ENTREP2: variants seen among roughly 807,000 people sequenced by gnomAD.
ENTREP2 encodes protein ENTREP2.
At chr15:29,196,643 G>A in the ENTREP2 span, 2 of 1,459,466 alleles carry the variant, frequency 1.4e-6, no homozygotes, top group Non-Finnish European at 1.8e-6. Flanking sequence ...ACACAGTTCA[G>A]AACACAGGAA....
At chr15:29,343,476 A>G in the ENTREP2 span, among the ~76,000 whole-genome samples, 2 of 151,840 alleles carry the variant, frequency 1.3e-5, no homozygotes, top group Non-Finnish European at 2.9e-5. Context: ...AAACCTCAAC[A>G]CCTACCTAAC....
the ENTREP2 span, among the ~76,000 whole-genome samples, chr15:29,671,154 T>C: frequency 5.6e-3 from 854 of 152,282 alleles, 9 homozygotes; most frequent in African/African-American, 0.02. Context: ...AACTTCCAGG[T>C]TGGCAAACAC....
chr15:29,606,831 T>C, the ENTREP2 span, among the ~76,000 whole-genome samples: 5 of 152,034 alleles, frequency 3.3e-5, no homozygotes, highest in African/African-American at 7.2e-5. Flanking sequence ...TTTTCTTTCT[T>C]TCTTTCTTTC....
the ENTREP2 span, among the ~76,000 whole-genome samples, chr15:29,552,996 G>A: frequency 2.6e-5 from 4 of 152,200 alleles, no homozygotes; most frequent in Non-Finnish European, 5.9e-5. Flanking sequence ...GGATTGGAAT[G>A]TTTCATACTG....
At chr15:29,316,752 G>A in the ENTREP2 span, among the ~76,000 whole-genome samples, 1 of 152,078 alleles carries the variant, frequency 6.6e-6, no homozygotes, top group Non-Finnish European at 1.5e-5. Flanking sequence ...ATGAAAATAT[G>A]GGTTCAGATA....
the ENTREP2 span, among the ~76,000 whole-genome samples, chr15:29,185,219 A>G: frequency 6.6e-6 from 1 of 151,942 alleles, no homozygotes; most frequent in Non-Finnish European, 1.5e-5. Flanking sequence ...GCTCAGAACA[A>G]TTGTGCTCCA....
At chr15:29,357,157 T>A in the ENTREP2 span, among the ~76,000 whole-genome samples, 1 of 152,150 alleles carries the variant, frequency 6.6e-6, no homozygotes, top group Non-Finnish European at 1.5e-5. Flanking sequence ...AATTCCTGTC[T>A]CACAGCATAT....
the ENTREP2 span, among the ~76,000 whole-genome samples, chr15:29,417,881 C>A: frequency 1.3e-4 from 20 of 152,096 alleles, no homozygotes; most frequent in African/African-American, 4.3e-4. Flanking sequence ...GAAAACTCTA[C>A]AGTTCTGTTT....
At chr15:29,277,564 A>G in the ENTREP2 span, among the ~76,000 whole-genome samples, 2 of 152,136 alleles carry the variant, frequency 1.3e-5, no homozygotes, top group African/African-American at 2.4e-5. Context: ...TCACATCCCT[A>G]TGAGAATCTA....
At chr15:29,242,658 G>A in the ENTREP2 span, among the ~76,000 whole-genome samples, 50 of 152,346 alleles carry the variant, frequency 3.3e-4, 2 homozygotes, top group Admixed American at 2.9e-3. Flanking sequence ...CAGGAATGGT[G>A]CCAGGCCCTG....
the ENTREP2 span, among the ~76,000 whole-genome samples, chr15:29,604,687 T>C: frequency 6.6e-6 from 1 of 152,234 alleles, no homozygotes; most frequent in Non-Finnish European, 1.5e-5. Context: ...AATATTGTTT[T>C]ATTTCTCTTG....
chr15:29,639,768 CT>C, the ENTREP2 span, among the ~76,000 whole-genome samples: 2,666 of 127,248 alleles, frequency 0.021, 61 homozygotes, highest in African/African-American at 0.072. Context: ...TTTTTGTTTG[CT>C]TTTTTTTTTT....
the ENTREP2 span, chr15:29,195,200 A>G: frequency 1.0e-6 from 1 of 985,344 alleles, no homozygotes; most frequent in Non-Finnish European, 1.2e-6. Context: ...AGCTGCTGGG[A>G]CCATCCAACT....
chr15:29,444,170 CAAAGAAAGAAAGA>C, the ENTREP2 span, among the ~76,000 whole-genome samples: 25 of 71,552 alleles, frequency 3.5e-4, 1 homozygote, highest in African/African-American at 9.6e-4. Context: ...GAAAGACAGA[CAAAGAAAGAAAGA>C]AAGAAAGAAA....
the ENTREP2 span, among the ~76,000 whole-genome samples, chr15:29,402,765 C>T: frequency 6.6e-6 from 1 of 152,176 alleles, no homozygotes; most frequent in Non-Finnish European, 1.5e-5. Flanking sequence ...TCAAAGTTAC[C>T]ATGGTTATCT....
the ENTREP2 span, among the ~76,000 whole-genome samples, chr15:29,300,267 A>ATGG: frequency 7.9e-6 from 1 of 126,614 alleles, no homozygotes; most frequent in African/African-American, 3.1e-5. Flanking sequence ...TGGACGGATG[A>ATGG]ATGGGTAGAC....
chr15:29,207,299 G>A, the ENTREP2 span, among the ~76,000 whole-genome samples: 2 of 152,180 alleles, frequency 1.3e-5, no homozygotes, highest in Non-Finnish European at 2.9e-5. Context: ...TGGTCTCACC[G>A]ACTTCAAGAA....
the ENTREP2 span, among the ~76,000 whole-genome samples, chr15:29,377,709 T>C: frequency 6.6e-6 from 1 of 151,704 alleles, no homozygotes; most frequent in African/African-American, 2.4e-5. Flanking sequence ...TAATCCCAGC[T>C]ACTCAGGCAG....
At chr15:29,649,446 C>A in the ENTREP2 span, among the ~76,000 whole-genome samples, 2 of 152,054 alleles carry the variant, frequency 1.3e-5, no homozygotes, top group African/African-American at 2.4e-5. Flanking sequence ...CTGGGCCAGG[C>A]GCGATGGCTC....
Sources: gnomAD v4.1 joint callset for allele counts (sites outside exome capture counted in the v4.1 genomes callset) on GRCh38, gnomAD v4.1.1 for gene constraint, MANE v1.5 for transcripts, NCBI Gene and HGNC (gene_info 2026-07-23, HGNC 2026-07-21) for gene names.